TMEM200A: variants seen among roughly 807,000 people sequenced by gnomAD.
The protein encoded by TMEM200A is two transmembrane C.
Under a neutral mutation model 24.3 loss-of-function variants are expected in TMEM200A, and 12 were observed. The ratio of observed to expected loss-of-function variants is 0.49; its 90% confidence interval spans 0.32 to 0.80. The LOEUF is 0.80. TMEM200A is among the 30% of genes least tolerant of loss of function. The pLI is 0.04. For missense variants in TMEM200A, 545 were observed against 614.4 expected (o/e 0.89, Z 1.19); for synonymous variants, 224 against 224.4 (o/e 1.00, Z 0.02).
chr6:130,433,361 C>G (rs925735887), intron 2 of TMEM200A, among the ~76,000 whole-genome samples: 15 of 152,316 alleles, frequency 9.8e-5, no homozygotes, highest in Admixed American at 9.8e-4. Flanking sequence ...TGGTCTTGAA[C>G]TCCTGACCTC....
chr6:130,375,208 A>T (rs1778423774), intron 1 of TMEM200A, among the ~76,000 whole-genome samples: 1 of 152,230 alleles, frequency 6.6e-6, no homozygotes, highest in African/African-American at 2.4e-5. Context: ...ATGATTATTT[A>T]GAGAGATTCA....
intron 2 of TMEM200A, among the ~76,000 whole-genome samples, chr6:130,402,206 G>A (rs1394031319): frequency 6.6e-6 from 1 of 151,874 alleles, no homozygotes; most frequent in Non-Finnish European, 1.5e-5. Flanking sequence ...TAAACAAACA[G>A]AGTATTATGG....
intron 2 of TMEM200A, among the ~76,000 whole-genome samples, chr6:130,419,779 C>T (rs1030980278): frequency 3.2e-4 from 49 of 152,198 alleles, no homozygotes; most frequent in African/African-American, 1.1e-3. Flanking sequence ...CACCACTTGT[C>T]TTAGTCTGTT....
chr6:130,438,116 A>C (rs548400863), intron 2 of TMEM200A: 1 of 152,362 alleles, frequency 6.6e-6, no homozygotes, highest in East Asian at 1.9e-4. Flanking sequence ...TTTTTGCTTC[A>C]AGAAAACATA....
chr6:130,432,359 C>T (rs539563636), intron 2 of TMEM200A, among the ~76,000 whole-genome samples: 9 of 152,274 alleles, frequency 5.9e-5, no homozygotes, highest in East Asian at 5.8e-4. Context: ...GACAGGTCTC[C>T]GAATCTGAAG....
chr6:130,439,752 A>G (rs1780106626), intron 2 of TMEM200A, among the ~76,000 whole-genome samples: 1 of 152,144 alleles, frequency 6.6e-6, no homozygotes, highest in African/African-American at 2.4e-5. Flanking sequence ...AGAACTTAAC[A>G]TCATAAAAGA....
intron 2 of TMEM200A, among the ~76,000 whole-genome samples, chr6:130,417,482 A>C (rs1319737910): frequency 6.6e-6 from 1 of 152,292 alleles, no homozygotes; most frequent in South Asian, 2.1e-4. Context: ...TAGGTGGAGA[A>C]ATTTAAATAT....
chr6:130,429,902 A>G (rs1779835781), intron 2 of TMEM200A, among the ~76,000 whole-genome samples: 1 of 152,202 alleles, frequency 6.6e-6, no homozygotes, highest in Non-Finnish European at 1.5e-5. Context: ...AATCAGTTCT[A>G]GAAAACCAAA....
intron 2 of TMEM200A, among the ~76,000 whole-genome samples, chr6:130,422,021 G>T (rs1182366594): frequency 1.3e-5 from 2 of 152,136 alleles, no homozygotes; most frequent in African/African-American, 4.8e-5. Flanking sequence ...ATGAAAATGG[G>T]ATTGCAGATA....
intron 2 of TMEM200A, among the ~76,000 whole-genome samples, chr6:130,409,615 T>C (rs560384112): frequency 1.2e-4 from 19 of 152,324 alleles, no homozygotes; most frequent in African/African-American, 4.6e-4. Flanking sequence ...TAGATAGGAT[T>C]TTTTTTCCTG....
intron 2 of TMEM200A, among the ~76,000 whole-genome samples, chr6:130,401,153 G>A (rs898037926): frequency 1.3e-5 from 2 of 151,930 alleles, no homozygotes; most frequent in African/African-American, 4.8e-5. Flanking sequence ...TTCTAGCAAG[G>A]AGGTCCATCT....
At chr6:130,410,033 A>G (rs1402686036) in intron 2 of TMEM200A, among the ~76,000 whole-genome samples, 2 of 152,210 alleles carry the variant, frequency 1.3e-5, no homozygotes, top group Middle Eastern at 3.2e-3. Flanking sequence ...AACATTGCAC[A>G]CTACATTTCT....
At chr6:130,428,476 TTC>T (rs1779799593) in intron 2 of TMEM200A, among the ~76,000 whole-genome samples, 1 of 152,168 alleles carries the variant, frequency 6.6e-6, no homozygotes, top group Non-Finnish European at 1.5e-5. Flanking sequence ...TCATTTCACT[TTC>T]TCTGTTTTAC....
rs550276732 is a variant in TMEM200A, at chr6:130,426,772, C to T, written c.-16-13635C>T. Among the ~76,000 whole-genome samples the T allele has an allele frequency of 7.9e-4, 120 of 152,230 alleles. 1 individual carries two copies. The South Asian group carries it at 0.024, about 30-fold the overall frequency. On this transcript the variant is annotated intron_variant, in intron 2 of 2. Coordinates refer to ENST00000296978, the MANE Select transcript of TMEM200A (RefSeq NM_001258277.2). ...TGACCCAGGTGCAGAGAAAGTTCATCGATGCTGATTAAGGCTTACTTCTCA... is the reference window on the plus strand; with the variant it reads ...TGACCCAGGTGCAGAGAAAGTTCATTGATGCTGATTAAGGCTTACTTCTCA...
chr6:130,410,238 C>A (rs2115156786), intron 2 of TMEM200A, among the ~76,000 whole-genome samples: 1 of 152,270 alleles, frequency 6.6e-6, no homozygotes, highest in South Asian at 2.1e-4. Flanking sequence ...TGAAGACCAA[C>A]CTCATCGCTT....
At chr6:130,406,392 C>T (rs888347981) in intron 2 of TMEM200A, among the ~76,000 whole-genome samples, 4 of 152,032 alleles carry the variant, frequency 2.6e-5, no homozygotes, top group African/African-American at 7.2e-5. Context: ...TATGTTGATT[C>T]CCCCTTGCAT....
chr6:130,397,686 TA>T (rs1263667432), intron 2 of TMEM200A, among the ~76,000 whole-genome samples: 2 of 151,914 alleles, frequency 1.3e-5, no homozygotes, highest in East Asian at 3.8e-4. Context: ...TGTGTGGTTT[TA>T]TTATGATTAC....
intron 2 of TMEM200A, among the ~76,000 whole-genome samples, chr6:130,411,745 C>A (rs188970854): frequency 6.6e-6 from 1 of 152,180 alleles, no homozygotes; most frequent in East Asian, 1.9e-4. Flanking sequence ...TCACAGAAGT[C>A]GTGCTGTCTT....
chr6:130,421,975 A>C (rs189441136), intron 2 of TMEM200A, among the ~76,000 whole-genome samples: 3 of 152,246 alleles, frequency 2.0e-5, no homozygotes, highest in Admixed American at 1.3e-4. Flanking sequence ...ATTTAGGTTG[A>C]TTCTATATAT....
Sources: allele counts gnomAD v4.1 joint callset (sites outside exome capture counted in the v4.1 genomes callset), GRCh38; gene constraint gnomAD v4.1.1; transcripts MANE v1.5; gene names NCBI Gene and HGNC (gene_info 2026-07-23, HGNC 2026-07-21).